G2E3: variants seen among roughly 807,000 people sequenced by gnomAD.
The protein encoded by G2E3 is G2/M phase-specific E3 ubiquitin-protein ligase.
G2E3 carries 35 observed loss-of-function variants against 92.8 expected under a neutral mutation model. The observed-to-expected ratio is 0.38, with a 90% CI of 0.29 to 0.50. The LOEUF (loss-of-function observed/expected upper bound fraction) is 0.50, where lower values mean the gene tolerates loss of function less well. Ranked by LOEUF, G2E3 falls within the 20% of genes least tolerant of loss-of-function variation. The pLI is 0.94. For missense variants in G2E3, 554 were observed against 823.8 expected, an observed-to-expected ratio of 0.67 and a Z score of 4.01; for synonymous variants, 242 against 272.4, an observed-to-expected ratio of 0.89 and a Z score of 1.10.
At chr14:30,561,604 A>G (rs953639382) in intron 1 of G2E3, among the ~76,000 whole-genome samples, 4 of 152,184 alleles carry the variant, frequency 2.6e-5, no homozygotes, top group Non-Finnish European at 5.9e-5. Context: ...ATATTTAGCC[A>G]TTGGCCTTTT....
In G2E3 at chr14:30,605,420, G is replaced by A. The variant is rs184840888; in HGVS notation, c.1011-85G>A. 9.6e-4 allele frequency: 476 copies of A among 498,406 alleles called. 2 individuals are homozygous for A. The highest frequency in any genetic ancestry group is 1.4e-3 in the Non-Finnish European group (397 of 282,102). The allele number at this position is 498,406 out of a possible 1,614,324, so 30.9% of individuals were successfully genotyped here. ...ATCCTATTAATCTTTTTTTCCCCTC[G>A]TCTTGTTTTATTGGCTATATAACTG... On this transcript the variant is annotated intron_variant, in intron 10 of 14. Coordinates refer to ENST00000206595, the MANE Select transcript of G2E3 (RefSeq NM_017769.5).
intron 1 of G2E3, among the ~76,000 whole-genome samples, chr14:30,573,856 A>G (rs1476352745): frequency 1.3e-5 from 2 of 152,226 alleles, no homozygotes; most frequent in African/African-American, 2.4e-5. Flanking sequence ...ACATCCAAAC[A>G]TAAGTTTAAC....
At chr14:30,565,669 T>G (rs1879384597) in intron 1 of G2E3, among the ~76,000 whole-genome samples, 1 of 133,892 alleles carries the variant, frequency 7.5e-6, no homozygotes, top group Non-Finnish European at 1.6e-5. Flanking sequence ...TTTTTTTTTT[T>G]TTTTTTTTTT....
chr14:30,581,664 T>C (rs766123213), intron 2 of G2E3, among the ~76,000 whole-genome samples: 10 of 152,214 alleles, frequency 6.6e-5, no homozygotes, highest in Admixed American at 1.3e-4. Flanking sequence ...ATCGCACCAC[T>C]ACACTTCAGC....
chr14:30,560,853 AC>A (rs1879056836), intron 1 of G2E3: 2 of 699,332 alleles, frequency 2.9e-6, no homozygotes, highest in Non-Finnish European at 2.6e-6. Flanking sequence ...GTTAGAAAAT[AC>A]TGTGAGTTTT....
At chr14:30,569,556 C>T (rs955837761) in intron 1 of G2E3, among the ~76,000 whole-genome samples, 3 of 152,064 alleles carry the variant, frequency 2.0e-5, no homozygotes, top group Non-Finnish European at 4.4e-5. Context: ...CAGGAGAAGA[C>T]CTGGTTCTGT....
intron 1 of G2E3, among the ~76,000 whole-genome samples, chr14:30,574,862 TGTGAATA>T (rs1230030801): frequency 2.6e-5 from 4 of 152,228 alleles, no homozygotes; most frequent in Admixed American, 2.6e-4. Flanking sequence ...TCTTTGCTAT[TGTGAATA>T]GTGCTGCAGT....
chr14:30,576,260 G>A (rs1880083298), intron 1 of G2E3, among the ~76,000 whole-genome samples: 1 of 152,108 alleles, frequency 6.6e-6, no homozygotes, highest in South Asian at 2.1e-4. Context: ...CAAAAAACAA[G>A]CAATAGGGAA....
chr14:30,586,584 G>C, intron 2 of G2E3, 134 bp from the exon 3 acceptor site: 1 of 399,074 alleles, frequency 2.5e-6, no homozygotes, highest in Non-Finnish European at 4.5e-6. Flanking sequence ...GAAATTTTAA[G>C]TTACTGATAT....
chr14:30,590,229 C>G (rs1880927912), intron 4 of G2E3, among the ~76,000 whole-genome samples: 1 of 152,068 alleles, frequency 6.6e-6, no homozygotes, highest in South Asian at 2.1e-4. Flanking sequence ...TGAAGGGATT[C>G]ATCATTACAC....
intron 1 of G2E3, among the ~76,000 whole-genome samples, chr14:30,567,839 T>G (rs1879530831): frequency 6.6e-6 from 1 of 152,072 alleles, no homozygotes; most frequent in Admixed American, 6.6e-5. Flanking sequence ...CTCCATATGT[T>G]TCTCAGTTTT....
At chr14:30,601,304 T>C (rs1881556342) in intron 8 of G2E3, among the ~76,000 whole-genome samples, 1 of 152,178 alleles carries the variant, frequency 6.6e-6, no homozygotes, top group African/African-American at 2.4e-5. Context: ...AATATAAATA[T>C]GAGCCAGGTA....
At chr14:30,591,748 CCTTAA>C (rs984473254) in intron 4 of G2E3, among the ~76,000 whole-genome samples, 2 of 152,146 alleles carry the variant, frequency 1.3e-5, no homozygotes, top group African/African-American at 4.8e-5. Context: ...ATCTCAAGAT[CCTTAA>C]CTTAATTACA....
intron 1 of G2E3, among the ~76,000 whole-genome samples, chr14:30,578,888 C>G (rs969941653): frequency 1.3e-5 from 2 of 152,058 alleles, no homozygotes; most frequent in Non-Finnish European, 2.9e-5. Context: ...TTCAGTTTTT[C>G]TTGTACCATT....
chr14:30,560,573 C>A, intron 1 of G2E3: 1 of 525,762 alleles, frequency 1.9e-6, no homozygotes, highest in Non-Finnish European at 3.3e-6. Context: ...CTATACTTCT[C>A]TAAGCCTTTC....
Position 30,593,435 on chromosome 14 carries a change from C to T in G2E3, c.363-39C>T, listed in dbSNP as rs1483723995. On this transcript the variant is annotated intron_variant, in intron 5 of 14. Coordinates refer to ENST00000206595, the MANE Select transcript of G2E3 (RefSeq NM_017769.5). ...ACAGTGTTTTCCAAGTTTTGCTTTGCAGTTCATGAGATTTTTTTAAAATAA... is the reference window on the plus strand; with the variant it reads ...ACAGTGTTTTCCAAGTTTTGCTTTGTAGTTCATGAGATTTTTTTAAAATAA... The T allele has an allele frequency of 3.9e-6, 4 of 1,026,366 alleles. No homozygotes were observed. In the East Asian group the frequency reaches 9.9e-5, roughly 25 times the overall value. The allele number at this position is 1,026,366 out of a possible 1,614,324, so 63.6% of individuals were successfully genotyped here. A position where few individuals can be genotyped will look rare whatever the true frequency, so the allele number is the denominator to read the frequency against.
intron 6 of G2E3, among the ~76,000 whole-genome samples, chr14:30,594,093 C>T (rs1038777177): frequency 5.3e-5 from 8 of 152,152 alleles, no homozygotes; most frequent in Admixed American, 5.2e-4. Flanking sequence ...GAGCTGATTA[C>T]TGTCAATTAA....
intron 10 of G2E3, 35 bp downstream of exon 10, chr14:30,602,166 C>T: frequency 6.6e-7 from 1 of 1,512,124 alleles, no homozygotes; most frequent in Non-Finnish European, 9.1e-7. Context: ...ACATAAAAAT[C>T]TATTTGGAGA....
chr14:30,600,315 A>G (rs1478154246), intron 8 of G2E3, among the ~76,000 whole-genome samples: 1 of 152,130 alleles, frequency 6.6e-6, no homozygotes, highest in Non-Finnish European at 1.5e-5. Flanking sequence ...GGTTCCCTTC[A>G]TTGTGCTTGT....
Sources: gnomAD v4.1 joint callset for allele counts (sites outside exome capture counted in the v4.1 genomes callset) on GRCh38, gnomAD v4.1.1 for gene constraint, MANE v1.5 for transcripts, NCBI Gene and HGNC (gene_info 2026-07-23, HGNC 2026-07-21) for gene names.